Variants in PCDH1 observed in about 807,000 individuals in gnomAD.
PCDH1 encodes the protein protocadherin 1, also known as protocadherin-1.
A neutral mutation model predicts 74.6 loss-of-function variants in PCDH1; 23 were observed. That is an observed-to-expected ratio of 0.31 (90% confidence interval 0.22 to 0.44). The LOEUF is 0.44. PCDH1 is among the 20% of genes least tolerant of loss of function. The probability of loss-of-function intolerance (pLI) is 1.00; values close to 1 mark genes in which losing one functional copy is unlikely to be tolerated. For synonymous variants in PCDH1, 647 were observed against 686.1 expected (o/e 0.94, Z 0.89); for missense variants, 1,214 against 1,641.4 (o/e 0.74, Z 4.50).
chr5:141,858,092 C>T (rs931911409), intron 3 of PCDH1, among the ~76,000 whole-genome samples: 3 of 152,208 alleles, frequency 2.0e-5, no homozygotes, highest in Non-Finnish European at 4.4e-5. Context: ...TGCCTCCTTC[C>T]AAATGAGGGA....
rs771702421 is a variant in PCDH1 at position 141,868,530 on chromosome 5, G to A, written c.903+39C>T. The A allele has an allele frequency of 5.3e-6, 8 of 1,513,014 alleles. No homozygotes were observed. 93.7% of individuals were successfully genotyped at this position (1,513,014 alleles called of 1,614,324 possible). ...GTTGGGTGGGCTCCCATTTCTAGTGGTGGGTCACCCTGACAGTTATACGGA... is the reference window on the plus strand; with the variant it reads ...GTTGGGTGGGCTCCCATTTCTAGTGATGGGTCACCCTGACAGTTATACGGA... On this transcript the variant is annotated intron_variant, in intron 2 of 4. Transcript: ENST00000287008. This position sits in a 1 kb window ranked among gnomAD's most constrained non-coding sequence, Gnocchi z 4.8.
At chr5:141,866,746 A>G (rs1200930482) in intron 2 of PCDH1, among the ~76,000 whole-genome samples, 1 of 152,206 alleles carries the variant, frequency 6.6e-6, no homozygotes, top group Non-Finnish European at 1.5e-5. Context: ...ATCAAATGGG[A>G]TAATACAGGT....
chr5:141,873,595 C>T lies in PCDH1; in HGVS notation c.41-4164G>A, dbSNP rs369996502. 7.2e-3 allele frequency among the ~76,000 whole-genome samples: 1,086 copies of T among 149,976 alleles called. 14 individuals carry two copies. Among genetic ancestry groups the T allele is most frequent in the African/African-American group, 0.022 (876 of 40,576 alleles). On this transcript the variant is annotated intron_variant, in intron 1 of 4. Transcript: ENST00000287008. Reference sequence around the variant, plus strand: ...CCGAGTAGCTGGGACTACAGGCGCCCGCCACCATGCCCAGCTAATTTTTTT... The same window carrying T: ...CCGAGTAGCTGGGACTACAGGCGCCTGCCACCATGCCCAGCTAATTTTTTT...
chr5:141,874,286 C>G (rs886340953), intron 1 of PCDH1, among the ~76,000 whole-genome samples: 1 of 152,226 alleles, frequency 6.6e-6, no homozygotes, highest in Non-Finnish European at 1.5e-5. Flanking sequence ...CTTCCCTCAC[C>G]CGTGTTCCCA....
chr5:141,854,282 G>T lies in PCDH1; in HGVS notation c.3474C>A (p.Tyr1158Ter). Residue 1158 changes from tyrosine to a stop codon, truncating the protein, a stop_gained, in exon 5 of 5, where the codon TAC becomes TAA. Coordinates refer to ENST00000287008, the MANE Select transcript of PCDH1 (RefSeq NM_032420.5). LOFTEE classifies it high-confidence loss of function. ...CAGGCTCCTGCCCTCCTCGGTCCTG[G>T]TAAGGCACGAAGGTGGAGAGTTTGA... is the stretch of plus-strand genomic sequence containing the variant. ...SALKLSTFVP[Y>*]QDRGGQEPAG... 6.2e-7 allele frequency: 1 copy of T among 1,613,812 alleles called. No individual in the cohort carries two copies. The highest frequency in any genetic ancestry group is 8.5e-7 in the Non-Finnish European group (1 of 1,179,892).
At chr5:141,871,718 T>C (rs1335129465) in intron 1 of PCDH1, among the ~76,000 whole-genome samples, 1 of 152,186 alleles carries the variant, frequency 6.6e-6, no homozygotes, top group Non-Finnish European at 1.5e-5. Flanking sequence ...AGTTTCTACT[T>C]TGTTTGCTCC....
At position 141,868,409 on chromosome 5, in the gene PCDH1, G is replaced by C; in HGVS notation, c.903+160C>G. The C allele has an allele frequency of 1.4e-6, 2 of 1,396,700 alleles. No homozygotes were observed. Among genetic ancestry groups the C allele is most frequent in the Admixed American group, 6.7e-5 (2 of 30,032 alleles). The allele number at this position is 1,396,700 out of a possible 1,614,324, so 86.5% of individuals were successfully genotyped here. A position where few individuals can be genotyped will look rare whatever the true frequency, so the allele number is the denominator to read the frequency against. On this transcript the variant is annotated intron_variant, in intron 2 of 4. Coordinates refer to ENST00000287008, the MANE Select transcript of PCDH1 (RefSeq NM_032420.5). This position sits in a 1 kb window ranked among gnomAD's most constrained non-coding sequence, Gnocchi z 4.8. ...GGAAAGTAATATCACCTGCTGGGGT[G>C]GGGTGGGAAAGACTCCCCTGGCTGA...
rs1449790726 is a variant in PCDH1 at position 141,856,233 on chromosome 5, TGCCTCA to T, written c.3319+1013_3319+1018del. 3.9e-6 allele frequency: 6 copies of T among 1,534,832 alleles called. No individual in the cohort carries two copies. In the African/African-American group the frequency reaches 8.2e-5, roughly 21 times the overall value. On this transcript the variant is annotated intron_variant, in intron 4 of 4. Coordinates refer to ENST00000287008, the MANE Select transcript of PCDH1 (RefSeq NM_032420.5). ...AGCAGTTCCCACATACCTGGCACTC[TGCCTCA>T]GGGCCTGCTCCGGCCAGCCGGCTCT... is the stretch of plus-strand genomic sequence containing the variant.
Position 141,863,871 on chromosome 5 carries a change from C to T in PCDH1, c.2460G>A (p.Thr820=), listed in dbSNP as rs763929466. The T allele has an allele frequency of 6.2e-6, 10 of 1,614,184 alleles. No homozygotes were observed. Among genetic ancestry groups the T allele is most frequent in the East Asian group, 2.2e-5 (1 of 44,876 alleles). Residue 820 remains threonine, a synonymous_variant, in exon 3 of 5, where the codon ACG becomes ACA. Coordinates refer to ENST00000287008, the MANE Select transcript of PCDH1 (RefSeq NM_032420.5). The surrounding 1 kb of genome is among the most constrained non-coding windows in gnomAD (Gnocchi z 7.5). ...LYVNETLANR[T]LLETLLGHSL... is the part of the protein sequence containing the mutation. ...TGTGGCCCAGGAGGGTCTCCAGCAGCGTGCGGTTGGCCAGAGTCTCATTGA... is the reference window on the plus strand; with the variant it reads ...TGTGGCCCAGGAGGGTCTCCAGCAGTGTGCGGTTGGCCAGAGTCTCATTGA...
At chr5:141,874,289 T>C (rs1016106310) in intron 1 of PCDH1, among the ~76,000 whole-genome samples, 3 of 152,212 alleles carry the variant, frequency 2.0e-5, no homozygotes, top group African/African-American at 7.2e-5. Flanking sequence ...CCCTCACCCG[T>C]GTTCCCACCA....
chr5:141,865,383 T>C lies in PCDH1; in HGVS notation c.948A>G (p.Glu316=), dbSNP rs762617028. ...DSDQGANAEI[E]YTFHQAPEVV... Reference sequence around the variant, plus strand: ...CTTCGGGCGCCTGGTGGAATGTGTATTCGATTTCTGCATTGGCACCTTGGT... The same window carrying C: ...CTTCGGGCGCCTGGTGGAATGTGTACTCGATTTCTGCATTGGCACCTTGGT... The change falls in exon 3 of 5, where the codon GAA becomes GAG. Residue 316 remains glutamate (E), a synonymous_variant. Transcript: ENST00000287008. This position sits in a 1 kb window ranked among gnomAD's most constrained non-coding sequence, Gnocchi z 4.4. The C allele has an allele frequency of 2.5e-6, 4 of 1,613,848 alleles. No homozygotes were observed. In the Admixed American group the frequency reaches 5.0e-5, roughly 20 times the overall value.
Position 141,863,160 on chromosome 5 carries a change from C to T in PCDH1, c.3099+72G>A. The T allele has an allele frequency of 1.3e-6, 2 of 1,494,398 alleles. No individual in the cohort carries two copies. Among genetic ancestry groups the T allele is most frequent in the South Asian group, 1.5e-5 (1 of 68,520 alleles). 92.6% of individuals were successfully genotyped at this position (1,494,398 alleles called of 1,614,324 possible). On this transcript the variant is annotated intron_variant, in intron 3 of 4. Transcript: ENST00000287008. The surrounding 1 kb of genome is among the most constrained non-coding windows in gnomAD (Gnocchi z 7.5). ...TAAACCTGCTCCATCACTCCCACACCTCGGTCCAGATGGCTCCGTGGTAGG... is the reference window on the plus strand; with the variant it reads ...TAAACCTGCTCCATCACTCCCACACTTCGGTCCAGATGGCTCCGTGGTAGG...
chr5:141,860,091 A>G (rs1554070965), intron 3 of PCDH1, among the ~76,000 whole-genome samples: 1 of 152,104 alleles, frequency 6.6e-6, no homozygotes, highest in Non-Finnish European at 1.5e-5. Context: ...AATCCTGCTC[A>G]TCATTGACAA....
At position 141,854,401 on chromosome 5, in the gene PCDH1, T is replaced by G. The variant is rs949783153; in HGVS notation, c.3355A>C (p.Thr1119Pro). The change falls in exon 5 of 5, where the codon ACA becomes CCA. Residue 1119 changes from threonine (T) to proline (P), a missense_variant. Physicochemically the swap from Thr to Pro is conservative, Grantham distance 38. Transcript: ENST00000287008. ...AACTCACTGCACTCCCGGGTACATG[T>G]GCCTGTCATGGCGACATCAGGCAAA... ...RPLPDVAMTG[T>P]CTRECSEFGH... The G allele has an allele frequency of 1.2e-6, 2 of 1,612,744 alleles. No individual in the cohort carries two copies. Among genetic ancestry groups the G allele is most frequent in the Non-Finnish European group, 8.5e-7 (1 of 1,179,608 alleles).
chr5:141,859,992 C>T (rs1752503045), intron 3 of PCDH1, among the ~76,000 whole-genome samples: 1 of 152,060 alleles, frequency 6.6e-6, no homozygotes, highest in African/African-American at 2.4e-5. Flanking sequence ...CTTTTTCTGC[C>T]CTTTCCCTGC....
At chr5:141,866,181 C>T (rs771736015) in intron 2 of PCDH1, 56 of 985,378 alleles carry the variant, frequency 5.7e-5, no homozygotes, top group Middle Eastern at 5.2e-4. Context: ...TCTGTCAAAC[C>T]GGGGAAACCT....
In PCDH1 at chr5:141,878,214, G is replaced by C; in HGVS notation, c.40+9C>G. 7.0e-7 allele frequency: 1 copy of C among 1,425,144 alleles called. No individual in the cohort carries two copies. 88.3% of individuals were successfully genotyped at this position (1,425,144 alleles called of 1,614,324 possible). A position where few individuals can be genotyped will look rare whatever the true frequency, so the allele number is the denominator to read the frequency against. ...GCCGCTGCTGCCTCCACCGCCGCCG[G>C]ATCCTTACCCGCCTCCGGGCAGCGC... On this transcript the variant is annotated intron_variant, in intron 1 of 4. Coordinates refer to ENST00000287008, the MANE Select transcript of PCDH1 (RefSeq NM_032420.5). This position sits in a 1 kb window ranked among gnomAD's most constrained non-coding sequence, Gnocchi z 5.5.
intron 4 of PCDH1, 106 bp downstream of exon 4, chr5:141,857,145 CT>C (rs1450039783): frequency 2.2e-6 from 2 of 893,504 alleles, no homozygotes; most frequent in African/African-American, 3.4e-5. Context: ...GTGATGATGA[CT>C]GAGCACATAA....
At position 141,868,495 on chromosome 5, in the gene PCDH1, C is replaced by T; in HGVS notation, c.903+74G>A. 2 of 1,508,268 alleles carry T rather than the reference C, an allele frequency of 1.3e-6. No homozygotes were observed. The highest frequency in any genetic ancestry group is 2.3e-5 in the Admixed American group (1 of 43,048). The allele number at this position is 1,508,268 out of a possible 1,614,324, so 93.4% of individuals were successfully genotyped here. On this transcript the variant is annotated intron_variant, in intron 2 of 4. Transcript: ENST00000287008. The surrounding 1 kb of genome is among the most constrained non-coding windows in gnomAD (Gnocchi z 4.8). ...CAGTTTTTCCCCTAAGTGAAGGGAA[C>T]TCTCACCTGGTTGGGTGGGCTCCCA...
Sources: gnomAD v4.1 joint callset for allele counts (sites outside exome capture counted in the v4.1 genomes callset) on GRCh38, gnomAD v4.1.1 for gene constraint, Gnocchi (gnomAD v3.1) non-coding constraint, MANE v1.5 for transcripts, NCBI Gene and HGNC (gene_info 2026-07-23, HGNC 2026-07-21) for gene names.